The following GFRA1 variants were observed in gnomAD, a reference collection of about 807,000 sequenced individuals.
The protein encoded by GFRA1 is GDNF family receptor alpha 1, also known as GDNF family receptor alpha-1.
Under a neutral mutation model 51.6 loss-of-function variants are expected in GFRA1, and 16 were observed. That is an observed-to-expected ratio of 0.31 (90% CI 0.21 to 0.47). The LOEUF is 0.47. Ranked by LOEUF, GFRA1 falls within the 20% of genes least tolerant of loss-of-function variation. The probability of loss-of-function intolerance (pLI) is 1.00; values close to 1 mark genes in which losing one functional copy is unlikely to be tolerated. For synonymous variants in GFRA1, 270 were observed against 241.3 expected (o/e 1.12, Z -1.10); for missense variants, 530 against 594.3 (o/e 0.89, Z 1.13).
intron 5 of GFRA1, among the ~76,000 whole-genome samples, chr10:116,164,846 T>G (rs1280276900): frequency 6.6e-6 from 1 of 152,152 alleles, no homozygotes; most frequent in African/African-American, 2.4e-5. Flanking sequence ...TCTTATTTTC[T>G]TTCCAGTTGC....
At chr10:116,254,332 A>AAAAAG (rs1555173300) in intron 4 of GFRA1, among the ~76,000 whole-genome samples, 3 of 149,634 alleles carry the variant, frequency 2.0e-5, no homozygotes, top group Non-Finnish European at 3.0e-5. Flanking sequence ...AAAAAAAAAA[A>AAAAAG]AAAGAAAGAA....
rs145677561 is a variant in GFRA1, at chr10:116,201,054, T to C, written c.433+10577A>G. ...GCTTAAAGAGCTGCAATGACTTCCT[T>C]GGGCTTTCTAGAACAAGTCTAAACT... is the stretch of plus-strand genomic sequence containing the variant. On this transcript the variant is annotated intron_variant, in intron 5 of 10. Transcript: ENST00000355422. Among the ~76,000 whole-genome samples the C allele has an allele frequency of 2.3e-3, 351 of 152,304 alleles. 2 individuals carry two copies. Among genetic ancestry groups the C allele is most frequent in the African/African-American group, 8.0e-3 (331 of 41,570 alleles).
At chr10:116,132,973 T>A (rs1958168425) in intron 5 of GFRA1, among the ~76,000 whole-genome samples, 1 of 151,896 alleles carries the variant, frequency 6.6e-6, no homozygotes, top group South Asian at 2.1e-4. Flanking sequence ...CTAACTGCCA[T>A]CCTCTCCACA....
Position 116,106,083 on chromosome 10 carries a change from T to C in GFRA1, c.771-9319A>G, listed in dbSNP as rs536471915. Among the ~76,000 whole-genome samples the C allele has an allele frequency of 5.3e-5, 8 of 152,262 alleles. No homozygotes were observed. In the South Asian group the frequency reaches 1.2e-3, roughly 24 times the overall value. ...GTCATGTGAGACTCCACCTGGCCCT[T>C]GCTGGTTCTGAAAATGGAGGAAGGG... is the stretch of plus-strand genomic sequence containing the variant. On this transcript the variant is annotated intron_variant, in intron 6 of 10. Coordinates refer to ENST00000355422, the MANE Select transcript of GFRA1 (RefSeq NM_005264.8).
intron 5 of GFRA1, among the ~76,000 whole-genome samples, chr10:116,201,083 C>T (rs1200989825): frequency 6.6e-6 from 1 of 152,146 alleles, no homozygotes; most frequent in Non-Finnish European, 1.5e-5. Flanking sequence ...CTAAACTCTG[C>T]TGCCTAGGTT....
chr10:116,080,423 C>T (rs1241533402), intron 9 of GFRA1, among the ~76,000 whole-genome samples: 1 of 151,926 alleles, frequency 6.6e-6, no homozygotes, highest in Non-Finnish European at 1.5e-5. Flanking sequence ...GATGGGTGCA[C>T]CAAAAATCTC....
intron 5 of GFRA1, among the ~76,000 whole-genome samples, chr10:116,194,216 C>G (rs1341920707): frequency 2.0e-5 from 3 of 152,074 alleles, no homozygotes; most frequent in Non-Finnish European, 4.4e-5. Context: ...TTACTATTTA[C>G]AAATTGAGTC....
intron 6 of GFRA1, among the ~76,000 whole-genome samples, chr10:116,109,818 C>A (rs1156589599): frequency 6.6e-6 from 1 of 152,158 alleles, no homozygotes; most frequent in Non-Finnish European, 1.5e-5. Context: ...CTTCCCAGAG[C>A]TGGTGGGCAT....
At chr10:116,247,690 G>A (rs923423360) in intron 4 of GFRA1, among the ~76,000 whole-genome samples, 1 of 152,254 alleles carries the variant, frequency 6.6e-6, no homozygotes, top group South Asian at 2.1e-4. Context: ...ATTTCACTGT[G>A]TCAAATGTCT....
chr10:116,088,338 C>T (rs1413660096), intron 9 of GFRA1, among the ~76,000 whole-genome samples: 1 of 152,044 alleles, frequency 6.6e-6, no homozygotes, highest in African/African-American at 2.4e-5. Flanking sequence ...AAGCATGAGG[C>T]GACAGCACAG....
chr10:116,075,028 T>C (rs7086529), intron 9 of GFRA1, among the ~76,000 whole-genome samples: 8,224 of 152,232 alleles, frequency 0.054, 730 homozygotes, highest in African/African-American at 0.19. Flanking sequence ...ATTAAGCATG[T>C]TTATTACCCA....
intron 8 of GFRA1, among the ~76,000 whole-genome samples, chr10:116,092,096 TACACACACACAC>T (rs58442181): frequency 0.016 from 2,168 of 138,200 alleles, 29 homozygotes; most frequent in Middle Eastern, 0.018. Context: ...CATACATACG[TACACACACACAC>T]ACACACACAC....
chr10:116,237,301 A>G (rs147756441), intron 4 of GFRA1, among the ~76,000 whole-genome samples: 12 of 152,346 alleles, frequency 7.9e-5, no homozygotes, highest in Admixed American at 3.9e-4. Context: ...TGGTTGAACC[A>G]TAAAACATTT....
intron 8 of GFRA1, among the ~76,000 whole-genome samples, chr10:116,090,432 T>TAAA (rs35493394): frequency 0.37 from 45,050 of 120,522 alleles, 10,308 homozygotes; most frequent in Non-Finnish European, 0.53. Flanking sequence ...CCAGTTTCTT[T>TAAA]AAAAAAAAAA....
chr10:116,124,514 A>G (rs553858531), intron 6 of GFRA1, among the ~76,000 whole-genome samples: 16 of 152,310 alleles, frequency 1.1e-4, no homozygotes, highest in African/African-American at 3.8e-4. Flanking sequence ...TTCAGGCGTG[A>G]GCCACCACAC....
chr10:116,107,919 G>A (rs1486420852), intron 6 of GFRA1, among the ~76,000 whole-genome samples: 1 of 152,152 alleles, frequency 6.6e-6, no homozygotes, highest in Non-Finnish European at 1.5e-5. Flanking sequence ...AATAATTTGT[G>A]AAACCCCCTA....
chr10:116,131,305 G>A (rs983640937), intron 5 of GFRA1, among the ~76,000 whole-genome samples: 1 of 152,170 alleles, frequency 6.6e-6, no homozygotes, highest in Non-Finnish European at 1.5e-5. Flanking sequence ...TACATTGTTG[G>A]TGGGAATGGA....
chr10:116,123,230 T>C (rs1957719625), intron 6 of GFRA1, among the ~76,000 whole-genome samples: 1 of 152,228 alleles, frequency 6.6e-6, no homozygotes, highest in Non-Finnish European at 1.5e-5. Flanking sequence ...CACCCATCCC[T>C]GCTCCTAGCC....
rs1446894869 is a variant in GFRA1 at position 116,115,994 on chromosome 10, C to T, written c.770+9227G>A. Among the ~76,000 whole-genome samples the T allele has an allele frequency of 3.3e-5, 5 of 152,264 alleles. No individual in the cohort carries two copies. In the East Asian group the frequency reaches 7.7e-4, roughly 24 times the overall value. On this transcript the variant is annotated intron_variant, in intron 6 of 10. Transcript: ENST00000355422. The stretch of plus-strand genomic sequence containing the variant: ...GGTCTGAAGTCCAGGGACCCATAGA[C>T]CCCCTTTGAGTACCCCCGCCCACCT...
Sources: allele counts gnomAD v4.1 joint callset (sites outside exome capture counted in the v4.1 genomes callset), GRCh38; gene constraint gnomAD v4.1.1; transcripts MANE v1.5; gene names NCBI Gene and HGNC (gene_info 2026-07-23, HGNC 2026-07-21).